Variants in TRIM36 observed in about 807,000 individuals in gnomAD.
TRIM36 encodes tripartite motif containing 36.
A neutral mutation model predicts 72.4 loss-of-function variants in TRIM36; 42 were observed. That is an observed-to-expected ratio of 0.58 (90% CI 0.45 to 0.75). The LOEUF is 0.75. TRIM36 is among the 30% of genes least tolerant of loss of function. The pLI is 0.00. For synonymous variants in TRIM36, 315 were observed against 282.8 expected, an observed-to-expected ratio of 1.11 and a Z score of -1.14; for missense variants, 913 against 857.1, an observed-to-expected ratio of 1.07 and a Z score of -0.81.
chr5:115,157,098 T>A (rs1191820255), intron 2 of TRIM36, among the ~76,000 whole-genome samples: 1 of 148,618 alleles, frequency 6.7e-6, no homozygotes, highest in Non-Finnish European at 1.5e-5. Context: ...GAGATGCAAA[T>A]CAAAACCACA....
At chr5:115,178,936 C>T (rs1755472525) in intron 1 of TRIM36, among the ~76,000 whole-genome samples, 1 of 152,132 alleles carries the variant, frequency 6.6e-6, no homozygotes, top group Non-Finnish European at 1.5e-5. Flanking sequence ...GCTATATCTG[C>T]GGCGTTGGAG....
chr5:115,179,290 G>A (rs1488145207), intron 1 of TRIM36, among the ~76,000 whole-genome samples: 1 of 152,160 alleles, frequency 6.6e-6, no homozygotes, highest in African/African-American at 2.4e-5. Context: ...GTCGTCGCGG[G>A]CGCCACCGAC....
At chr5:115,149,007 G>A (rs944278311) in intron 2 of TRIM36, 2 of 152,094 alleles carry the variant, frequency 1.3e-5, no homozygotes, top group African/African-American at 4.8e-5. Context: ...GATGTTAATA[G>A]CATGCTATAT....
intron 7 of TRIM36, among the ~76,000 whole-genome samples, chr5:115,135,177 G>T (rs776361025): frequency 3.9e-5 from 6 of 152,038 alleles, no homozygotes; most frequent in Non-Finnish European, 5.9e-5. Flanking sequence ...CAATTCCCAA[G>T]CTTAACTGCT....
At chr5:115,137,269 G>C in intron 6 of TRIM36, 94 bp downstream of exon 6, 1 of 1,504,066 alleles carries the variant, frequency 6.6e-7, no homozygotes, top group East Asian at 2.3e-5. Context: ...CATTAACACA[G>C]CATTATGGAC....
intron 2 of TRIM36, among the ~76,000 whole-genome samples, chr5:115,155,615 C>T (rs149838209): frequency 0.014 from 2,186 of 152,282 alleles, 58 homozygotes; most frequent in African/African-American, 0.051. Flanking sequence ...AATCTAGCAT[C>T]CCTTTATGAT....
chr5:115,152,838 C>T (rs1024867268), intron 2 of TRIM36, among the ~76,000 whole-genome samples: 7 of 152,124 alleles, frequency 4.6e-5, no homozygotes, highest in African/African-American at 1.7e-4. Context: ...ACTACCAAGC[C>T]TCCTCTAAAA....
chr5:115,156,260 T>C (rs1177086156), intron 2 of TRIM36, among the ~76,000 whole-genome samples: 1 of 151,874 alleles, frequency 6.6e-6, no homozygotes, highest in African/African-American at 2.4e-5. Context: ...ACAAATTCCA[T>C]GCAGTCCCCA....
At chr5:115,143,577 G>C (rs1312292948) in intron 4 of TRIM36, among the ~76,000 whole-genome samples, 1 of 152,052 alleles carries the variant, frequency 6.6e-6, no homozygotes, top group Non-Finnish European at 1.5e-5. Flanking sequence ...AATTATACCT[G>C]TATTTCGTAT....
chr5:115,155,344 C>T (rs993592281), intron 2 of TRIM36, among the ~76,000 whole-genome samples: 4 of 151,994 alleles, frequency 2.6e-5, no homozygotes, highest in Admixed American at 6.5e-5. Flanking sequence ...AGCGAAACTC[C>T]GTCTCAAAAA....
intron 2 of TRIM36, among the ~76,000 whole-genome samples, chr5:115,159,050 T>C (rs1754336933): frequency 6.6e-6 from 1 of 152,196 alleles, no homozygotes; most frequent in African/African-American, 2.4e-5. Flanking sequence ...TAAATTTTAA[T>C]AAGATAGGTT....
intron 2 of TRIM36, chr5:115,148,765 C>T (rs993918961): frequency 6.6e-6 from 1 of 152,148 alleles, no homozygotes; most frequent in African/African-American, 2.4e-5. Flanking sequence ...ACTCCCTTAA[C>T]TTAAACACAA....
At chr5:115,128,089 T>TGGC (rs1554060403) in intron 9 of TRIM36, among the ~76,000 whole-genome samples, 1 of 146,508 alleles carries the variant, frequency 6.8e-6, no homozygotes, top group Non-Finnish European at 1.5e-5. Flanking sequence ...TAAAAAAAAT[T>TGGC]GGGGGGGGCC....
chr5:115,177,525 C>T (rs1755390349), intron 1 of TRIM36: 8 of 1,343,504 alleles, frequency 6.0e-6, no homozygotes, highest in Non-Finnish European at 7.7e-6. Flanking sequence ...TAAAGCAAGT[C>T]AGTCTCAAAG....
Position 115,126,350 on chromosome 5 carries a change from A to G in TRIM36, c.*153T>C, listed in dbSNP as rs1385186996. ...GGCAGAACAACGACATGAAGACACA[A>G]GGCTGTTTAGATTTTCTGTATTTCA... On this transcript the variant is annotated 3_prime_UTR_variant, in exon 10 of 10. Transcript: ENST00000513154. The G allele has an allele frequency of 1.6e-6, 1 of 616,254 alleles. No homozygotes were observed. The highest frequency in any genetic ancestry group is 2.8e-6 in the Non-Finnish European group (1 of 360,256). The allele number at this position is 616,254 out of a possible 1,614,324, so 38.2% of individuals were successfully genotyped here. A position where few individuals can be genotyped will look rare whatever the true frequency, so the allele number is the denominator to read the frequency against.
chr5:115,145,533 T>TTATTTATTTATTTATC (rs577352835), intron 3 of TRIM36, among the ~76,000 whole-genome samples: 28 of 151,838 alleles, frequency 1.8e-4, no homozygotes, highest in African/African-American at 6.5e-4. Flanking sequence ...ATTTATTTAT[T>TTATTTATTTATTTATC]TATTTATTTT....
chr5:115,179,825 G>A, intron 1 of TRIM36: 1 of 707,206 alleles, frequency 1.4e-6, no homozygotes, highest in Non-Finnish European at 2.4e-6. Flanking sequence ...TTCCGCAGCT[G>A]CTGGGACGCC....
intron 7 of TRIM36, 39 bp downstream of exon 7, chr5:115,136,961 G>C: frequency 2.0e-6 from 3 of 1,525,500 alleles, no homozygotes; most frequent in African/African-American, 1.4e-5. Context: ...TACAAATTCA[G>C]ACAAAAAGAA....
intron 7 of TRIM36, among the ~76,000 whole-genome samples, chr5:115,136,136 T>C (rs1315884123): frequency 6.9e-6 from 1 of 144,440 alleles, no homozygotes; most frequent in Non-Finnish European, 1.5e-5. Flanking sequence ...CCACTGGAAA[T>C]TCACATGTTG....
Sources: allele counts gnomAD v4.1 joint callset (sites outside exome capture counted in the v4.1 genomes callset), GRCh38; gene constraint gnomAD v4.1.1; transcripts MANE v1.5; gene names NCBI Gene and HGNC (gene_info 2026-07-23, HGNC 2026-07-21).